KCNN3: variants seen among roughly 807,000 people sequenced by gnomAD.
KCNN3 encodes potassium calcium-activated channel subfamily N member 3, also known as small conductance calcium-activated potassium channel protein 3.
Under a neutral mutation model 62.9 loss-of-function variants are expected in KCNN3, and 16 were observed. The ratio of observed to expected loss-of-function variants is 0.25; its 90% CI spans 0.17 to 0.39. KCNN3 has a LOEUF of 0.39. KCNN3 is among the 10% of genes least tolerant of loss of function. KCNN3 has a pLI of 1.00. For synonymous variants in KCNN3, 370 were observed against 389.2 expected (o/e 0.95, Z 0.58); for missense variants, 599 against 949.4 (o/e 0.63, Z 4.85).
intron 2 of KCNN3, among the ~76,000 whole-genome samples, chr1:154,783,074 G>A (rs186798841): frequency 5.1e-4 from 78 of 152,168 alleles, no homozygotes; most frequent in African/African-American, 1.7e-3. Flanking sequence ...CTAGCCGGGC[G>A]TGGTGGTGGG....
chr1:154,737,718 G>A (rs975017690), intron 3 of KCNN3, among the ~76,000 whole-genome samples: 12 of 152,032 alleles, frequency 7.9e-5, no homozygotes, highest in African/African-American at 2.2e-4. Flanking sequence ...ATGATAAATC[G>A]AGGAATTCTC....
chr1:154,716,466 G>A (rs1700235155), intron 5 of KCNN3, among the ~76,000 whole-genome samples: 2 of 152,226 alleles, frequency 1.3e-5, no homozygotes, highest in South Asian at 2.1e-4. Context: ...CAGATGGGAT[G>A]TTGTTAAAAT....
At chr1:154,859,274 G>A (rs545227075) in intron 1 of KCNN3, among the ~76,000 whole-genome samples, 4 of 152,362 alleles carry the variant, frequency 2.6e-5, no homozygotes, top group South Asian at 2.1e-4. Context: ...CTCAAAAGGG[G>A]TTTTGCTCTG....
At position 154,707,902 on chromosome 1, in the gene KCNN3, G is replaced by C; in HGVS notation, c.*74C>G. The stretch of plus-strand genomic sequence containing the variant: ...TTCCCTGGTCTGAATGTTTCTTGAT[G>C]GCAAAGCGACCAGGAGAGAGTTGAT... On this transcript the variant is annotated 3_prime_UTR_variant, in exon 8 of 8. Coordinates refer to ENST00000271915, the MANE Select transcript of KCNN3 (RefSeq NM_002249.6). 6.8e-7 allele frequency: 1 copy of C among 1,480,582 alleles called. No homozygotes were observed. The highest frequency in any genetic ancestry group is 1.4e-5 in the African/African-American group (1 of 71,466). The allele number at this position is 1,480,582 out of a possible 1,614,324, so 91.7% of individuals were successfully genotyped here.
chr1:154,743,306 GGGC>G (rs1374709978), intron 3 of KCNN3, among the ~76,000 whole-genome samples: 1 of 152,170 alleles, frequency 6.6e-6, no homozygotes, highest in African/African-American at 2.4e-5. Context: ...GCTTCTGCCT[GGGC>G]GACGCTTGCC....
chr1:154,814,965 C>T lies in KCNN3; in HGVS notation c.1029+7124G>A, dbSNP rs145620073. Among the ~76,000 whole-genome samples, 851 of 152,354 alleles carry T rather than the reference C, an allele frequency of 5.6e-3. 1 individual carries two copies. The highest frequency in any genetic ancestry group is 8.0e-3 in the Non-Finnish European group (546 of 68,038). ...TGTGCTGTGATCATCCAGGGGCACA[C>T]TCATGAAAGTGGGACAGGAGAGGGA... On this transcript the variant is annotated intron_variant, in intron 2 of 7. Coordinates refer to ENST00000271915, the MANE Select transcript of KCNN3 (RefSeq NM_002249.6).
At chr1:154,714,375 A>G (rs1398565797) in intron 6 of KCNN3, among the ~76,000 whole-genome samples, 11 of 49,818 alleles carry the variant, frequency 2.2e-4, no homozygotes, top group South Asian at 6.3e-4. Context: ...GGTTTGTGTG[A>G]GGTGTGTGTG....
intron 5 of KCNN3, among the ~76,000 whole-genome samples, chr1:154,723,825 T>C (rs1700406518): frequency 1.3e-5 from 2 of 152,160 alleles, no homozygotes; most frequent in African/African-American, 4.8e-5. Context: ...TTCAGGAAAA[T>C]AGATGCAAGT....
At chr1:154,829,675 G>T (rs1176591950) in intron 1 of KCNN3, among the ~76,000 whole-genome samples, 3 of 152,146 alleles carry the variant, frequency 2.0e-5, no homozygotes, top group Non-Finnish European at 2.9e-5. Context: ...AGAGCAGGTG[G>T]CTCCTCAGAG....
intron 2 of KCNN3, among the ~76,000 whole-genome samples, chr1:154,804,735 G>A (rs1368377841): frequency 6.6e-6 from 1 of 152,064 alleles, no homozygotes; most frequent in East Asian, 1.9e-4. Context: ...GAAAGCATTA[G>A]TTCTCACACC....
chr1:154,801,402 A>T (rs572040727), intron 2 of KCNN3, among the ~76,000 whole-genome samples: 1 of 152,246 alleles, frequency 6.6e-6, no homozygotes, highest in South Asian at 2.1e-4. Flanking sequence ...ACTAGAGGGA[A>T]ATAGATCAAT....
At chr1:154,732,906 C>A (rs149153701) in intron 4 of KCNN3, 97 bp downstream of exon 4, 21 of 1,395,928 alleles carry the variant, frequency 1.5e-5, no homozygotes, top group Middle Eastern at 2.3e-4. Context: ...AGCCACCCCC[C>A]GCTCTGCGGC....
At chr1:154,742,546 T>C (rs1700844291) in intron 3 of KCNN3, among the ~76,000 whole-genome samples, 1 of 152,080 alleles carries the variant, frequency 6.6e-6, no homozygotes, top group Admixed American at 6.6e-5. Flanking sequence ...GGCACATAGG[T>C]GCACTAAAAA....
intron 7 of KCNN3, 68 bp downstream of exon 7, chr1:154,713,396 C>T: frequency 1.5e-6 from 2 of 1,344,176 alleles, no homozygotes; most frequent in Non-Finnish European, 2.1e-6. Context: ...AGCCAGGACT[C>T]ACAGGTGAGC....
intron 1 of KCNN3, among the ~76,000 whole-genome samples, chr1:154,853,527 C>T (rs1228382931): frequency 6.6e-6 from 1 of 151,984 alleles, no homozygotes; most frequent in African/African-American, 2.4e-5. Context: ...TAGAAGGCGT[C>T]TCACTATATG....
intron 3 of KCNN3, among the ~76,000 whole-genome samples, chr1:154,740,101 G>A (rs1264588364): frequency 6.6e-6 from 1 of 152,114 alleles, no homozygotes; most frequent in Non-Finnish European, 1.5e-5. Flanking sequence ...CTTCTTTTCT[G>A]TTCAACATAT....
intron 2 of KCNN3, among the ~76,000 whole-genome samples, chr1:154,804,197 AG>A (rs2101876711): frequency 6.6e-6 from 1 of 152,360 alleles, no homozygotes; most frequent in Admixed American, 6.5e-5. Flanking sequence ...CATTTGCAGC[AG>A]GAACTGGGAT....
intron 1 of KCNN3, among the ~76,000 whole-genome samples, chr1:154,829,804 C>G (rs1307620565): frequency 6.6e-6 from 1 of 152,186 alleles, no homozygotes; most frequent in Non-Finnish European, 1.5e-5. Context: ...AACCTCAGCA[C>G]CAGGAACCCC....
intron 3 of KCNN3, among the ~76,000 whole-genome samples, chr1:154,767,670 CT>C (rs945275448): frequency 2.6e-5 from 4 of 152,178 alleles, no homozygotes; most frequent in African/African-American, 9.7e-5. Flanking sequence ...AGGTTCCTCC[CT>C]GAGGGAGGTG....
Sources: allele counts gnomAD v4.1 joint callset (sites outside exome capture counted in the v4.1 genomes callset), GRCh38; gene constraint gnomAD v4.1.1; transcripts MANE v1.5; gene names NCBI Gene and HGNC (gene_info 2026-07-23, HGNC 2026-07-21).